The following ASIC2 variants were observed in gnomAD, a reference collection of about 807,000 sequenced individuals.
ASIC2 encodes the protein acid-sensing ion channel 2.
In ASIC2, 25 loss-of-function variants were observed where a neutral mutation model predicts 57.3. The observed-to-expected ratio is 0.44, with a 90% CI of 0.32 to 0.61. The LOEUF is 0.61. Among genes scored for constraint, ASIC2 ranks in the 20% least tolerant of loss-of-function variants. The pLI is 0.06. For synonymous variants in ASIC2, 319 were observed against 307.5 expected (o/e 1.04, Z -0.39); for missense variants, 641 against 738.1 (o/e 0.87, Z 1.52).
At chr17:33,464,997 G>A (rs996395076) in intron 1 of ASIC2, among the ~76,000 whole-genome samples, 1 of 152,004 alleles carries the variant, frequency 6.6e-6, no homozygotes, top group Admixed American at 6.6e-5. Context: ...AAATACTATG[G>A]AATTCCATTA....
chr17:34,020,482 C>T (rs181519193), intron 1 of ASIC2, among the ~76,000 whole-genome samples: 13 of 152,286 alleles, frequency 8.5e-5, no homozygotes, highest in East Asian at 5.8e-4. Context: ...TCCTTCCCAA[C>T]CTAACTTCAC....
chr17:33,703,463 C>G (rs888294687), intron 1 of ASIC2, among the ~76,000 whole-genome samples: 1 of 151,964 alleles, frequency 6.6e-6, no homozygotes, highest in Non-Finnish European at 1.5e-5. Flanking sequence ...AGTGATCCTC[C>G]CACCTCAGCT....
intron 1 of ASIC2, among the ~76,000 whole-genome samples, chr17:34,055,409 A>G (rs896169958): frequency 1.5e-4 from 23 of 152,128 alleles, no homozygotes; most frequent in African/African-American, 5.6e-4. Context: ...TGTCTTTTTT[A>G]CAGTTTTATT....
chr17:33,410,942 C>CA (rs147948891), intron 1 of ASIC2, among the ~76,000 whole-genome samples: 34,109 of 152,040 alleles, frequency 0.22, 4,035 homozygotes, highest in Non-Finnish European at 0.26. Flanking sequence ...ACATAGAAGA[C>CA]AGCATAACAT....
At chr17:33,867,037 A>G (rs1914255078) in intron 1 of ASIC2, among the ~76,000 whole-genome samples, 3 of 152,232 alleles carry the variant, frequency 2.0e-5, no homozygotes, top group Admixed American at 6.5e-5. Flanking sequence ...TGTGCCAGCT[A>G]CTGCTGCAGA....
At chr17:34,147,614 T>C (rs533701069) in intron 1 of ASIC2, among the ~76,000 whole-genome samples, 1 of 152,210 alleles carries the variant, frequency 6.6e-6, no homozygotes, top group South Asian at 2.1e-4. Flanking sequence ...GTCTGTATGG[T>C]TTTAAGTCAA....
intron 1 of ASIC2, among the ~76,000 whole-genome samples, chr17:33,711,011 C>T (rs1267609145): frequency 6.6e-6 from 1 of 152,022 alleles, no homozygotes; most frequent in Non-Finnish European, 1.5e-5. Context: ...CATACAGGGA[C>T]ATGATCATGG....
At chr17:33,369,746 T>C (rs984506556) in intron 1 of ASIC2, among the ~76,000 whole-genome samples, 1 of 152,208 alleles carries the variant, frequency 6.6e-6, no homozygotes, top group Non-Finnish European at 1.5e-5. Flanking sequence ...AACTCAGATT[T>C]TTCCGGTGCT....
intron 1 of ASIC2, among the ~76,000 whole-genome samples, chr17:34,034,356 G>A (rs1468292642): frequency 2.0e-5 from 3 of 152,086 alleles, no homozygotes; most frequent in East Asian, 1.9e-4. Flanking sequence ...TTGATAGGAC[G>A]TATCTCAAAA....
At chr17:33,417,106 T>C (rs1299117369) in intron 1 of ASIC2, among the ~76,000 whole-genome samples, 1 of 152,178 alleles carries the variant, frequency 6.6e-6, no homozygotes, top group East Asian at 1.9e-4. Flanking sequence ...CTCGTGTTCC[T>C]CTAGCTGCTG....
chr17:34,140,602 A>C lies in ASIC2; in HGVS notation c.555+15376T>G, dbSNP rs533762927. 2.0e-5 allele frequency among the ~76,000 whole-genome samples: 3 copies of C among 152,348 alleles called. No homozygotes were observed. The South Asian group carries it at 6.2e-4, about 32-fold the overall frequency. ...ATCTAGCTGCACAAGAAAGAAAAAA[A>C]ACTTTCAAAAAATACAGGGAAATGT... On this transcript the variant is annotated intron_variant, in intron 1 of 9. Coordinates refer to the ASIC2 transcript ENST00000359872.
chr17:34,022,645 A>G (rs1907220008), intron 1 of ASIC2, among the ~76,000 whole-genome samples: 1 of 151,924 alleles, frequency 6.6e-6, no homozygotes, highest in East Asian at 1.9e-4. Flanking sequence ...AAAAAACAAA[A>G]AAAAAAACAA....
chr17:34,051,522 A>C (rs1908554285), intron 1 of ASIC2, among the ~76,000 whole-genome samples: 1 of 152,348 alleles, frequency 6.6e-6, no homozygotes, highest in East Asian at 1.9e-4. Flanking sequence ...CAGGACTATC[A>C]GTTATTTTCA....
At position 33,945,283 on chromosome 17, in the gene ASIC2, A is replaced by C. The variant is rs71379432; in HGVS notation, c.555+210695T>G. On this transcript the variant is annotated intron_variant, in intron 1 of 9. Transcript: ENST00000359872. ...ATGGGTAACACATTCACAACCTCAAAGCTCAGCACAGGCATAAGGGCTTGC... is the reference window on the plus strand; with the variant it reads ...ATGGGTAACACATTCACAACCTCAACGCTCAGCACAGGCATAAGGGCTTGC... Among the ~76,000 whole-genome samples, 1,156 of 151,780 alleles carry C rather than the reference A, an allele frequency of 7.6e-3. 23 individuals are homozygous for C. Among genetic ancestry groups the C allele is most frequent in the African/African-American group, 0.027 (1,101 of 41,404 alleles).
At chr17:34,051,563 C>G (rs182362148) in intron 1 of ASIC2, 2 of 152,158 alleles carry the variant, frequency 1.3e-5, no homozygotes, top group Non-Finnish European at 2.9e-5. Flanking sequence ...CTTAAAAGGC[C>G]TGGTGCCCTT....
intron 1 of ASIC2, among the ~76,000 whole-genome samples, chr17:33,345,648 G>A (rs887289466): frequency 3.9e-5 from 6 of 152,170 alleles, no homozygotes; most frequent in African/African-American, 1.4e-4. Flanking sequence ...TGGGAACAAG[G>A]AAGAAGACAA....
intron 1 of ASIC2, among the ~76,000 whole-genome samples, chr17:33,135,917 T>C (rs986320086): frequency 6.6e-6 from 1 of 152,254 alleles, no homozygotes; most frequent in African/African-American, 2.4e-5. Context: ...TTTCCCTCCA[T>C]GTCTACATTG....
At chr17:33,083,152 T>C (rs2092120024) in intron 3 of ASIC2, among the ~76,000 whole-genome samples, 1 of 152,176 alleles carries the variant, frequency 6.6e-6, no homozygotes, top group South Asian at 2.1e-4. Flanking sequence ...GGATTGATTA[T>C]CCAGTTGTAC....
chr17:34,022,793 T>G (rs1262914084), intron 1 of ASIC2, among the ~76,000 whole-genome samples: 1 of 152,210 alleles, frequency 6.6e-6, no homozygotes, highest in African/African-American at 2.4e-5. Flanking sequence ...CCCTCATAGC[T>G]TTCCTGCAGC....
Sources: gnomAD v4.1 joint callset for allele counts (sites outside exome capture counted in the v4.1 genomes callset) on GRCh38, gnomAD v4.1.1 for gene constraint, MANE v1.5 for transcripts, NCBI Gene and HGNC (gene_info 2026-07-23, HGNC 2026-07-21) for gene names.